The following PCNX2 variants were observed in gnomAD, a reference collection of about 807,000 sequenced individuals.
PCNX2 encodes pecanex 2.
PCNX2 carries 168 observed loss-of-function variants against 223.8 expected under a neutral mutation model. The observed-to-expected ratio is 0.75, with a 90% CI of 0.66 to 0.85. The LOEUF (loss-of-function observed/expected upper bound fraction) is 0.85, where lower values mean the gene tolerates loss of function less well. PCNX2 is among the 40% of genes least tolerant of loss of function. The pLI, the probability that PCNX2 is intolerant of heterozygous loss-of-function variation, is 0.00. For missense variants in PCNX2, 2,507 were observed against 2,675.5 expected (o/e 0.94, Z 1.39); for synonymous variants, 1,006 against 1,052.6 (o/e 0.96, Z 0.86).
chr1:233,181,229 ACTCT>A (rs1383806180), intron 15 of PCNX2: 2 of 135,632 alleles, frequency 1.5e-5, no homozygotes, highest in African/African-American at 5.6e-5. Flanking sequence ...AGCTGGAGTC[ACTCT>A]CTATCACCCA....
chr1:233,166,375 A>T (rs1012702184), intron 17 of PCNX2, among the ~76,000 whole-genome samples: 8 of 152,080 alleles, frequency 5.3e-5, no homozygotes, highest in Non-Finnish European at 7.4e-5. Flanking sequence ...AGTTGGAACT[A>T]TAAAAGAAAA....
chr1:233,153,286 G>A (rs1677927980), intron 19 of PCNX2, among the ~76,000 whole-genome samples: 1 of 152,164 alleles, frequency 6.6e-6, no homozygotes, highest in South Asian at 2.1e-4. Flanking sequence ...CTCCAAAAAA[G>A]GGAGTAAACA....
intron 15 of PCNX2, among the ~76,000 whole-genome samples, chr1:233,188,022 T>C (rs1680204070): frequency 6.6e-6 from 1 of 152,248 alleles, no homozygotes; most frequent in Non-Finnish European, 1.5e-5. Context: ...AGAATAGTTA[T>C]CGTTGGTATT....
chr1:233,130,205 C>T (rs778334964), intron 21 of PCNX2, among the ~76,000 whole-genome samples: 25 of 152,098 alleles, frequency 1.6e-4, no homozygotes, highest in Non-Finnish European at 2.9e-4. Flanking sequence ...CTGGACACGC[C>T]GCCTTTAAGA....
intron 21 of PCNX2, among the ~76,000 whole-genome samples, chr1:233,130,522 T>G (rs1370240329): frequency 6.6e-6 from 1 of 150,844 alleles, no homozygotes; most frequent in African/African-American, 2.4e-5. Context: ...TCTTGCCTTG[T>G]TGCCCAGGCT....
At chr1:233,088,030 G>A (rs767993182) in intron 23 of PCNX2, among the ~76,000 whole-genome samples, 28 of 152,170 alleles carry the variant, frequency 1.8e-4, no homozygotes, top group Non-Finnish European at 2.2e-4. Context: ...CTAGAAGTCC[G>A]TATGTTTAAG....
chr1:233,071,933 C>A (rs979404396), intron 23 of PCNX2, among the ~76,000 whole-genome samples: 1 of 152,192 alleles, frequency 6.6e-6, no homozygotes, highest in African/African-American at 2.4e-5. Context: ...CGCTTGGCTG[C>A]ATGTATGTAT....
At chr1:233,177,625 C>A (rs1318553774) in intron 17 of PCNX2, among the ~76,000 whole-genome samples, 177 bp downstream of exon 17, 2 of 152,206 alleles carry the variant, frequency 1.3e-5, no homozygotes, top group Non-Finnish European at 2.9e-5. Context: ...GCAAGCGTTT[C>A]AAATAGGGCT....
chr1:233,033,649 T>C (rs1293095150), intron 25 of PCNX2, among the ~76,000 whole-genome samples: 19 of 152,232 alleles, frequency 1.2e-4, no homozygotes, highest in Admixed American at 1.2e-3. Flanking sequence ...TGGGCTGTTT[T>C]AATATTTCAC....
intron 27 of PCNX2, among the ~76,000 whole-genome samples, chr1:233,016,203 C>T (rs559775356): frequency 6.6e-6 from 1 of 152,292 alleles, no homozygotes; most frequent in Middle Eastern, 3.4e-3. Context: ...TGGCTAGTGT[C>T]GTGGTTTGGT....
chr1:233,274,467 C>T lies in PCNX2; in HGVS notation c.154-11304G>A, dbSNP rs147360076. Among the ~76,000 whole-genome samples the T allele has an allele frequency of 1.1e-3, 171 of 152,248 alleles. 1 individual carries two copies. Among genetic ancestry groups the T allele is most frequent in the African/African-American group, 3.8e-3 (156 of 41,538 alleles). ...TGAAAATCACTGCTTAGCTCAAAAACGCATTAAAGTGTACCAAGCATAGAG... is the reference window on the plus strand; with the variant it reads ...TGAAAATCACTGCTTAGCTCAAAAATGCATTAAAGTGTACCAAGCATAGAG... On this transcript the variant is annotated intron_variant, in intron 1 of 33. Coordinates refer to ENST00000258229, the MANE Select transcript of PCNX2 (RefSeq NM_014801.4).
At chr1:233,301,786 G>A in the PCNX2 span, among the ~76,000 whole-genome samples, 1 of 143,518 alleles carries the variant, frequency 7.0e-6, no homozygotes, top group Admixed American at 7.5e-5. Flanking sequence ...ACAGGACCAA[G>A]GGAACAAGCT....
chr1:233,177,611 G>A (rs1679553570), intron 17 of PCNX2, among the ~76,000 whole-genome samples, 191 bp downstream of exon 17: 1 of 152,190 alleles, frequency 6.6e-6, no homozygotes, highest in African/African-American at 2.4e-5. Context: ...TACAGCACCG[G>A]AGAGCAAGCG....
At chr1:233,246,527 T>C (rs1402408160) in intron 8 of PCNX2, among the ~76,000 whole-genome samples, 3 of 152,224 alleles carry the variant, frequency 2.0e-5, no homozygotes, top group Admixed American at 6.5e-5. Context: ...CCAGCCTTAG[T>C]TTTGTTGCAC....
At chr1:233,167,713 A>T in intron 17 of PCNX2, 1 of 979,914 alleles carries the variant, frequency 1.0e-6, no homozygotes, top group Non-Finnish European at 1.2e-6. Flanking sequence ...TTAAAAAATA[A>T]AAATATCTTT....
chr1:233,118,549 A>C (rs1675564743), intron 21 of PCNX2, among the ~76,000 whole-genome samples: 1 of 152,034 alleles, frequency 6.6e-6, no homozygotes, highest in Admixed American at 6.5e-5. Flanking sequence ...GGCTTACAAA[A>C]ATCTATTGTA....
In PCNX2 at chr1:233,160,532, C is replaced by A; in HGVS notation, c.3367-99G>T. On this transcript the variant is annotated intron_variant, in intron 18 of 33. Transcript: ENST00000258229. Reference sequence around the variant, plus strand: ...AACATCACTGTCCTTCCACTTTTTCCTCTTAACGGATAGCCAGACTCAGTT... The same window carrying A: ...AACATCACTGTCCTTCCACTTTTTCATCTTAACGGATAGCCAGACTCAGTT... The A allele has an allele frequency of 1.5e-6, 2 of 1,317,478 alleles. 1 individual carries two copies. Among genetic ancestry groups the A allele is most frequent in the Admixed American group, 4.4e-5 (2 of 45,904 alleles). The allele number at this position is 1,317,478 out of a possible 1,614,324, so 81.6% of individuals were successfully genotyped here. A position where few individuals can be genotyped will look rare whatever the true frequency, so the allele number is the denominator to read the frequency against.
the PCNX2 span, among the ~76,000 whole-genome samples, chr1:233,324,179 G>A: frequency 1.3e-5 from 2 of 152,216 alleles, no homozygotes; most frequent in African/African-American, 4.8e-5. Context: ...AGCTAGTAGA[G>A]GTTGGCTTAT....
chr1:233,234,090 G>T (rs1273098556), intron 9 of PCNX2, among the ~76,000 whole-genome samples: 1 of 152,096 alleles, frequency 6.6e-6, no homozygotes, highest in Non-Finnish European at 1.5e-5. Flanking sequence ...TGGTTGACTG[G>T]CTGTTAAACT....
Sources: gnomAD v4.1 joint callset for allele counts (sites outside exome capture counted in the v4.1 genomes callset) on GRCh38, gnomAD v4.1.1 for gene constraint, MANE v1.5 for transcripts, NCBI Gene and HGNC (gene_info 2026-07-23, HGNC 2026-07-21) for gene names.